Variants in CACNA1C observed in about 807,000 individuals in gnomAD.
The protein encoded by CACNA1C is calcium voltage-gated channel subunit alpha1 C.
Under a neutral mutation model 229.0 loss-of-function variants are expected in CACNA1C, and 30 were observed. The ratio of observed to expected loss-of-function variants is 0.13; its 90% CI spans 0.10 to 0.18. The LOEUF is 0.18. Among genes scored for constraint, CACNA1C ranks in the 10% least tolerant of loss-of-function variants. The pLI is 1.00. For missense variants in CACNA1C, 1,658 were observed against 2,845.0 expected (o/e 0.58, Z 9.49); for synonymous variants, 1,114 against 1,132.5 (o/e 0.98, Z 0.33).
At chr12:2,396,218 A>C (rs1310870994) in intron 3 of CACNA1C, among the ~76,000 whole-genome samples, 1 of 152,174 alleles carries the variant, frequency 6.6e-6, no homozygotes, top group Non-Finnish European at 1.5e-5. Flanking sequence ...TGTATCTTTC[A>C]GTGACACACA....
At chr12:2,268,786 T>C (rs79399264) in intron 3 of CACNA1C, among the ~76,000 whole-genome samples, 6,974 of 152,216 alleles carry the variant, frequency 0.046, 196 homozygotes, top group Middle Eastern at 0.068. Flanking sequence ...CTGCCAAAGA[T>C]GATTTAGTTC....
chr12:2,343,956 G>T (rs1273679278), intron 3 of CACNA1C, among the ~76,000 whole-genome samples: 1 of 152,168 alleles, frequency 6.6e-6, no homozygotes, highest in Non-Finnish European at 1.5e-5. Flanking sequence ...ATAATGACCA[G>T]TTTGGTTCCT....
At position 2,605,286 on chromosome 12, in the gene CACNA1C, G is replaced by A. The variant is rs2074778394; in HGVS notation, c.3048+118G>A. ...GTCAGACCAAGTGGCTGCCATGTGG[G>A]GTCCCGGACACTGGTCCCACTGCAT... is the stretch of plus-strand genomic sequence containing the variant. On this transcript the variant is annotated intron_variant, in intron 23 of 46. Transcript: ENST00000399655. This position sits in a 1 kb window ranked among gnomAD's most constrained non-coding sequence, Gnocchi z 6.2. 1 of 690,822 alleles carries A rather than the reference G, an allele frequency of 1.4e-6. No homozygotes were observed. The highest frequency in any genetic ancestry group is 2.6e-6 in the Non-Finnish European group (1 of 387,152). The allele number at this position is 690,822 out of a possible 1,614,324, so 42.8% of individuals were successfully genotyped here.
intron 3 of CACNA1C, among the ~76,000 whole-genome samples, chr12:2,166,406 TG>T (rs771871665): frequency 4.6e-5 from 7 of 152,238 alleles, no homozygotes; most frequent in Non-Finnish European, 1.0e-4. Flanking sequence ...CATATAGCCT[TG>T]GGCGTTTATT....
At chr12:2,419,547 C>G (rs2098952777) in intron 3 of CACNA1C, among the ~76,000 whole-genome samples, 1 of 152,126 alleles carries the variant, frequency 6.6e-6, no homozygotes, top group African/African-American at 2.4e-5. Flanking sequence ...TTCTGTCATC[C>G]CAGATCTACC....
At chr12:2,245,339 C>T (rs2072642836) in intron 3 of CACNA1C, among the ~76,000 whole-genome samples, 1 of 152,166 alleles carries the variant, frequency 6.6e-6, no homozygotes, top group Non-Finnish European at 1.5e-5. Context: ...TGCATGCTTG[C>T]TTAGCCACCC....
chr12:2,222,437 G>T (rs1599639807), intron 3 of CACNA1C: 2 of 152,234 alleles, frequency 1.3e-5, no homozygotes, highest in Non-Finnish European at 2.9e-5. Flanking sequence ...TTTGCAGTGG[G>T]AATGAATGGT....
At chr12:2,603,008 C>T (rs556452370) in intron 22 of CACNA1C, among the ~76,000 whole-genome samples, 6 of 152,252 alleles carry the variant, frequency 3.9e-5, no homozygotes, top group South Asian at 2.1e-4. Flanking sequence ...TAAGTCCCAG[C>T]GTTCCTGGGT....
intron 3 of CACNA1C, among the ~76,000 whole-genome samples, chr12:2,447,098 C>CTA (rs2099303544): frequency 1.3e-5 from 2 of 152,162 alleles, no homozygotes; most frequent in Non-Finnish European, 2.9e-5. Context: ...AGGAGATGGG[C>CTA]TAAGGGGCTG....
At chr12:2,086,759 CAG>C (rs2067844839) in intron 1 of CACNA1C, among the ~76,000 whole-genome samples, 2 of 152,170 alleles carry the variant, frequency 1.3e-5, no homozygotes, top group East Asian at 1.9e-4. Context: ...GGTGAGGAAA[CAG>C]AGGGATGGTG....
intron 3 of CACNA1C, among the ~76,000 whole-genome samples, chr12:2,441,176 A>G (rs529718496): frequency 6.6e-6 from 1 of 152,230 alleles, no homozygotes; most frequent in African/African-American, 2.4e-5. Context: ...GCTGGCTTCC[A>G]TAAGTACATT....
intron 3 of CACNA1C, among the ~76,000 whole-genome samples, chr12:2,407,166 G>T (rs139087353): frequency 6.6e-6 from 1 of 152,214 alleles, no homozygotes; most frequent in Non-Finnish European, 1.5e-5. Context: ...ATGTCCTGGC[G>T]CTCCCTTAGA....
chr12:2,274,123 C>G (rs969914996), intron 3 of CACNA1C, among the ~76,000 whole-genome samples: 17 of 152,236 alleles, frequency 1.1e-4, no homozygotes, highest in African/African-American at 3.9e-4. Flanking sequence ...GCCTCGTGCC[C>G]TTATCTTCAC....
intron 3 of CACNA1C, among the ~76,000 whole-genome samples, chr12:2,411,662 G>C (rs539366230): frequency 1.3e-5 from 2 of 152,302 alleles, no homozygotes; most frequent in East Asian, 3.9e-4. Flanking sequence ...TTACACCAGG[G>C]AGCCCAGAGG....
chr12:2,451,675 C>A (rs2099374435), intron 4 of CACNA1C, among the ~76,000 whole-genome samples: 1 of 152,166 alleles, frequency 6.6e-6, no homozygotes, highest in Admixed American at 6.5e-5. Context: ...CTGTCTGGAC[C>A]CGCTTCATCC....
At position 2,605,190 on chromosome 12, in the gene CACNA1C, G is replaced by T; in HGVS notation, c.3048+22G>T. ...AAAGGTGAGTTGAGGGCTTGGGTAG[G>T]GAGTCTCCAGCCAGCCCATTGGGGA... On this transcript the variant is annotated intron_variant, in intron 23 of 46. Coordinates refer to ENST00000399655, the MANE Select transcript of CACNA1C (RefSeq NM_000719.7). This position sits in a 1 kb window ranked among gnomAD's most constrained non-coding sequence, Gnocchi z 6.2. The T allele has an allele frequency of 5.9e-6, 9 of 1,533,428 alleles. No individual in the cohort carries two copies. Among genetic ancestry groups the T allele is most frequent in the Non-Finnish European group, 8.1e-6 (9 of 1,106,566 alleles). 95.0% of individuals were successfully genotyped at this position (1,533,428 alleles called of 1,614,324 possible).
chr12:2,232,195 A>G (rs189567903), intron 3 of CACNA1C, among the ~76,000 whole-genome samples: 244 of 138,914 alleles, frequency 1.8e-3, no homozygotes, highest in African/African-American at 6.2e-3. Flanking sequence ...CCTTTGTCTC[A>G]TCCAAGTGGT....
At chr12:2,172,856 G>T (rs1359173546) in intron 3 of CACNA1C, among the ~76,000 whole-genome samples, 1 of 152,250 alleles carries the variant, frequency 6.6e-6, no homozygotes, top group Non-Finnish European at 1.5e-5. Context: ...ACGGATATAG[G>T]GTGGGTCCAG....
chr12:2,547,333 G>A lies in CACNA1C; in HGVS notation c.1391-2610G>A, dbSNP rs976225015. On this transcript the variant is annotated intron_variant, in intron 9 of 46. Coordinates refer to ENST00000399655, the MANE Select transcript of CACNA1C (RefSeq NM_000719.7). ...TTTGTTTATTTTCTGTGATAAAAAT[G>A]GATGTTCTATGTGAAAGCTGAGTTC... The A allele has an allele frequency of 6.1e-6, 4 of 658,142 alleles. No individual in the cohort carries two copies. The African/African-American group carries it at 7.3e-5, about 12-fold the overall frequency. The allele number at this position is 658,142 out of a possible 1,614,324, so 40.8% of individuals were successfully genotyped here.
Sources: allele counts gnomAD v4.1 joint callset (sites outside exome capture counted in the v4.1 genomes callset), GRCh38; gene constraint gnomAD v4.1.1; non-coding constraint Gnocchi (gnomAD v3.1); transcripts MANE v1.5; gene names NCBI Gene and HGNC (gene_info 2026-07-23, HGNC 2026-07-21).